Variants in OR10H1 observed in about 807,000 individuals in gnomAD.
The protein encoded by OR10H1 is olfactory receptor family 10 subfamily H member 1.
Under a neutral mutation model 13.1 loss-of-function variants are expected in OR10H1, and 12 were observed. The observed-to-expected ratio is 0.92, with a 90% CI of 0.59 to 1.48. The LOEUF (loss-of-function observed/expected upper bound fraction) is 1.48, where lower values mean the gene tolerates loss of function less well. Among genes scored for constraint, OR10H1 ranks in the 40% most tolerant of loss-of-function variants. OR10H1 has a pLI of 0.00. For synonymous variants in OR10H1, 168 were observed against 175.6 expected (o/e 0.96, Z 0.34); for missense variants, 363 against 413.1 (o/e 0.88, Z 1.05).
intron 1 of OR10H1, among the ~76,000 whole-genome samples, chr19:15,815,335 C>T (rs1345652143): frequency 4.1e-5 from 5 of 123,226 alleles, no homozygotes; most frequent in African/African-American, 9.0e-5. Flanking sequence ...AGCGAGATTC[C>T]GTCTCAAAAA....
rs2088892836 is a variant in OR10H1 at position 15,805,771 on chromosome 19, C to T, written c.*1310G>A. 6.6e-6 allele frequency: 1 copy of T among 152,138 alleles called. No individual in the cohort carries two copies. The highest frequency in any genetic ancestry group is 1.5e-5 in the Non-Finnish European group (1 of 68,074). 9.4% of individuals were successfully genotyped at this position (152,138 alleles called of 1,614,324 possible). On this transcript the variant is annotated 3_prime_UTR_variant, in exon 4 of 4. Coordinates refer to ENST00000641419, the MANE Select transcript of OR10H1 (RefSeq NM_013940.4). ...CCATGAGATAAACTCATCCTGGGGTCTACACTCAATGTCCAGATTCAACAG... is the reference window on the plus strand; with the variant it reads ...CCATGAGATAAACTCATCCTGGGGTTTACACTCAATGTCCAGATTCAACAG...
intron 1 of OR10H1, among the ~76,000 whole-genome samples, chr19:15,814,697 G>A (rs527333796): frequency 2.0e-5 from 3 of 152,120 alleles, no homozygotes; most frequent in South Asian, 2.1e-4. Flanking sequence ...TACAGACAGG[G>A]TCTCACTATG....
rs2088886193 is a variant in OR10H1 at position 15,804,780 on chromosome 19, T to C, written c.*2301A>G. On this transcript the variant is annotated 3_prime_UTR_variant, in exon 4 of 4. Transcript: ENST00000641419. ...GTCAAATGATATTTCTAGTTCTAGA[T>C]CCCTGAGGAATCGCCACACTGACTC... 1 of 152,216 alleles carries C rather than the reference T, an allele frequency of 6.6e-6. No individual in the cohort carries two copies. Among genetic ancestry groups the C allele is most frequent in the Non-Finnish European group, 1.5e-5 (1 of 68,046 alleles). The allele number at this position is 152,216 out of a possible 1,614,324, so 9.4% of individuals were successfully genotyped here. A position where few individuals can be genotyped will look rare whatever the true frequency, so the allele number is the denominator to read the frequency against.
rs143282709 is a variant in OR10H1 at position 15,807,625 on chromosome 19, G to A, written c.413C>T (p.Pro138Leu). Residue 138 changes from proline to leucine, a missense_variant, in exon 4 of 4, where the codon CCG (proline) becomes CTG (leucine). Pro to Leu is a moderately conservative substitution (Grantham distance 98). Coordinates refer to ENST00000641419, the MANE Select transcript of OR10H1 (RefSeq NM_013940.4). Reference sequence around the variant, plus strand: ...GCCCACCAGGCAGGCGCAGCCCCGCGGGCTCATGAGCACGTTGTAGCGCAG... The same window carrying A: ...GCCCACCAGGCAGGCGCAGCCCCGCAGGCTCATGAGCACGTTGTAGCGCAG... ...HPLRYNVLMS[P>L]RGCACLVGCS... The A allele has an allele frequency of 6.9e-5, 111 of 1,613,982 alleles. No individual in the cohort carries two copies. Among genetic ancestry groups the A allele is most frequent in the Non-Finnish European group, 8.0e-5 (94 of 1,179,986 alleles).
At chr19:15,813,909 A>T (rs1181224150) in intron 1 of OR10H1, among the ~76,000 whole-genome samples, 1 of 151,596 alleles carries the variant, frequency 6.6e-6, no homozygotes, top group East Asian at 1.9e-4. Flanking sequence ...GGGGAAAGAG[A>T]AGAAAAAGGT....
At position 15,807,141 on chromosome 19, in the gene OR10H1, C is replaced by G; in HGVS notation, c.897G>C (p.Lys299Asn). ...TGAAGAAGGTCTTCTTCATGGCGAC[C>G]TTCAGCTCCTTGTTCCTGAGGCTGA... ...IIFSLRNKELKVAMKKTFFSK... is the reference protein window; with the variant it reads ...IIFSLRNKELNVAMKKTFFSK... Residue 299 changes from lysine to asparagine, a missense_variant, in exon 4 of 4, where the codon AAG (lysine) becomes AAC (asparagine). This residue lies in a region of OR10H1 where 42 missense variants were observed against 30.3 expected (regional missense o/e 1.39). Transcript: ENST00000641419. The G allele has an allele frequency of 6.2e-7, 1 of 1,614,136 alleles. No individual in the cohort carries two copies. Among genetic ancestry groups the G allele is most frequent in the Middle Eastern group, 1.6e-4 (1 of 6,062 alleles).
intron 3 of OR10H1, 147 bp from the exon 4 acceptor site, chr19:15,808,195 C>A: frequency 1.5e-6 from 1 of 658,526 alleles, no homozygotes; most frequent in South Asian, 1.9e-5. Context: ...TTAATACTCT[C>A]GTCAACCTAG....
chr19:15,807,075 T>A lies in OR10H1; in HGVS notation c.*6A>T, dbSNP rs1225148059. On this transcript the variant is annotated 3_prime_UTR_variant, in exon 4 of 4. Transcript: ENST00000641419. ...ATCCAATTTAGTTGTTCCCAGTGAA[T>A]TTCTCCTACATCATTACATTTTTTT... is the stretch of plus-strand genomic sequence containing the variant. 6.2e-7 allele frequency: 1 copy of A among 1,604,344 alleles called. No homozygotes were observed. The highest frequency in any genetic ancestry group is 8.5e-7 in the Non-Finnish European group (1 of 1,174,672).
chr19:15,809,220 C>G (rs2189513), intron 2 of OR10H1, among the ~76,000 whole-genome samples: 1 of 152,146 alleles, frequency 6.6e-6, no homozygotes, highest in Non-Finnish European at 1.5e-5. Context: ...TGGGAATCAG[C>G]AGGGCTCAGT....
rs762460753 is a variant in OR10H1, at chr19:15,807,689, C to T, written c.349G>A (p.Val117Ile). The change falls in exon 4 of 4, where the codon GTC becomes ATC. Residue 117 changes from valine to isoleucine, a missense_variant. By Grantham distance (29) the Val-to-Ile change is conservative. Around this residue, in one of 3 missense-constraint regions of OR10H1, gnomAD observed 318 missense variants for 366.6 expected, o/e 0.87. Coordinates refer to ENST00000641419, the MANE Select transcript of OR10H1 (RefSeq NM_013940.4). ...GCCACGTAGCGGTCGTAGCCCATGA[C>T]GGTGAGCAGGAAGGAGTGGGTGAAG... ...FGFTHSFLLT[V>I]MGYDRYVAIC... 3.1e-6 allele frequency: 5 copies of T among 1,613,982 alleles called. No homozygotes were observed. The highest frequency in any genetic ancestry group is 2.2e-5 in the East Asian group (1 of 44,870).
At position 15,807,951 on chromosome 19, in the gene OR10H1, C is replaced by T. The variant is rs866190870; in HGVS notation, c.87G>A (p.Leu29=). The part of the protein sequence containing the change: ...VFPHLQLMLF[L]LFLLMYLFTL... ...TGAACAGGTACATCAGCAGGAACAG[C>T]AGGAAGAGCATCAGCTGGAGGTGGG... The change falls in exon 4 of 4, where the codon CTG becomes CTA. Residue 29 remains leucine, a synonymous_variant. Transcript: ENST00000641419. 6.2e-7 allele frequency: 1 copy of T among 1,613,946 alleles called. No homozygotes were observed. Among genetic ancestry groups the T allele is most frequent in the African/African-American group, 1.3e-5 (1 of 74,874 alleles).
At position 15,807,593 on chromosome 19, in the gene OR10H1, A is replaced by C; in HGVS notation, c.445T>G (p.Trp149Gly). 6.2e-7 allele frequency: 1 copy of C among 1,614,270 alleles called. No homozygotes were observed. Among genetic ancestry groups the C allele is most frequent in the Non-Finnish European group, 8.5e-7 (1 of 1,180,050 alleles). The change falls in exon 4 of 4, where the codon TGG becomes GGG. Residue 149 changes from tryptophan (W) to glycine (G), a missense_variant. Coordinates refer to ENST00000641419, the MANE Select transcript of OR10H1 (RefSeq NM_013940.4). The stretch of plus-strand genomic sequence containing the variant: ...ATCCCCATGACCAAGCCACCAGCCC[A>C]GGAGCAGCCCACCAGGCAGGCGCAG... Reference protein sequence around the residue: ...RGCACLVGCSWAGGLVMGMVV... With the variant: ...RGCACLVGCSGAGGLVMGMVV...
chr19:15,810,696 G>A (rs1483597380), intron 2 of OR10H1, among the ~76,000 whole-genome samples: 3 of 151,948 alleles, frequency 2.0e-5, no homozygotes, highest in African/African-American at 4.8e-5. Flanking sequence ...TAATAGATAC[G>A]GTGTTTCCTT....
intron 1 of OR10H1, among the ~76,000 whole-genome samples, chr19:15,814,470 TGTGTGTGTGTGAGAGAGAGA>T (rs1460049786): frequency 1.1e-3 from 59 of 54,624 alleles, no homozygotes; most frequent in Admixed American, 1.6e-3. Flanking sequence ...TGTGTGTGTG[TGTGTGTGTGTGAGAGAGAGA>T]GAGAGAGAGA....
Position 15,807,798 on chromosome 19 carries a change from G to A in OR10H1, c.240C>T (p.Arg80=), listed in dbSNP as rs1406148506. 6.2e-7 allele frequency: 1 copy of A among 1,606,594 alleles called. No homozygotes were observed. Among genetic ancestry groups the A allele is most frequent in the African/African-American group, 1.3e-5 (1 of 74,780 alleles). Residue 80 remains arginine (R), a synonymous_variant, in exon 4 of 4, where the codon CGC becomes CGT. Coordinates refer to ENST00000641419, the MANE Select transcript of OR10H1 (RefSeq NM_013940.4). ...GGGTGGACAGCAGGTCGGCCAGCATGCGCGGGATGATGGCCACGGTGTAGA... is the reference window on the plus strand; with the variant it reads ...GGGTGGACAGCAGGTCGGCCAGCATACGCGGGATGATGGCCACGGTGTAGA... ...EILYTVAIIP[R]MLADLLSTQR...
chr19:15,809,993 T>A (rs537093127), intron 2 of OR10H1, among the ~76,000 whole-genome samples: 20 of 152,162 alleles, frequency 1.3e-4, no homozygotes, highest in African/African-American at 2.6e-4. Flanking sequence ...ATCTCTTTTT[T>A]AAAAAATTTG....
intron 1 of OR10H1, among the ~76,000 whole-genome samples, chr19:15,813,765 T>C (rs183671260): frequency 7.8e-3 from 266 of 34,230 alleles, no homozygotes; most frequent in Middle Eastern, 0.037. Flanking sequence ...GTGTGGGAGG[T>C]GGGGAGAGAG....
chr19:15,813,552 T>G (rs924053207), intron 1 of OR10H1, among the ~76,000 whole-genome samples: 2,973 of 54,854 alleles, frequency 0.054, no homozygotes, highest in African/African-American at 0.059. Context: ...GAAAGAGAGG[T>G]GGGGAGAGAG....
At position 15,807,040 on chromosome 19, in the gene OR10H1, G is replaced by C. The variant is rs1190511596; in HGVS notation, c.*41C>G. ...CCACGGAACGTAATTTTTAACAATA[G>C]CCTTCGGTAATCCAATTTAGTTGTT... On this transcript the variant is annotated 3_prime_UTR_variant, in exon 4 of 4. Transcript: ENST00000641419. The C allele has an allele frequency of 6.4e-7, 1 of 1,560,450 alleles. No homozygotes were observed. Among genetic ancestry groups the C allele is most frequent in the Non-Finnish European group, 8.8e-7 (1 of 1,142,092 alleles).
Sources: allele counts gnomAD v4.1 joint callset (sites outside exome capture counted in the v4.1 genomes callset), GRCh38; gene constraint gnomAD v4.1.1; regional missense constraint gnomAD v4.1.1; transcripts MANE v1.5; gene names NCBI Gene and HGNC (gene_info 2026-07-23, HGNC 2026-07-21).